The following SPATS2 variants were observed in gnomAD, a reference collection of about 807,000 sequenced individuals.
The protein encoded by SPATS2 is spermatogenesis-associated serine-rich protein 2.
A neutral mutation model predicts 63.7 loss-of-function variants in SPATS2; 38 were observed. The ratio of observed to expected loss-of-function variants is 0.60; its 90% CI spans 0.46 to 0.78. The LOEUF (loss-of-function observed/expected upper bound fraction) is 0.78, where lower values mean the gene tolerates loss of function less well. Ranked by LOEUF, SPATS2 falls within the 30% of genes least tolerant of loss-of-function variation. The probability of loss-of-function intolerance (pLI) is 0.00; values close to 1 mark genes in which losing one functional copy is unlikely to be tolerated. For missense variants in SPATS2, 588 were observed against 666.2 expected, an observed-to-expected ratio of 0.88 and a Z score of 1.29; for synonymous variants, 207 against 232.9, an observed-to-expected ratio of 0.89 and a Z score of 1.01.
chr12:49,448,852 A>G (rs1592407133), intron 2 of SPATS2, among the ~76,000 whole-genome samples: 1 of 152,180 alleles, frequency 6.6e-6, no homozygotes, highest in Non-Finnish European at 1.5e-5. Context: ...TCATTAAAAA[A>G]TTGGGAATTT....
In SPATS2 at chr12:49,524,775, C is replaced by T. The variant is rs992416475; in HGVS notation, c.1205C>T (p.Ser402Phe). The T allele has an allele frequency of 6.2e-7, 1 of 1,614,214 alleles. No individual in the cohort carries two copies. The highest frequency in any genetic ancestry group is 1.3e-5 in the African/African-American group (1 of 75,048). Reference protein sequence around the residue: ...LSSPSDASAASSSTCASPPSL... With the variant: ...LSSPSDASAAFSSTCASPPSL... ...AGCCCAAGTGATGCCTCTGCTGCTTCCTCTTCCACCTGTGCCTCTCCTCCC... is the reference window on the plus strand; with the variant it reads ...AGCCCAAGTGATGCCTCTGCTGCTTTCTCTTCCACCTGTGCCTCTCCTCCC... The change falls in exon 13 of 14, where the codon TCC (serine) becomes TTC (phenylalanine). Residue 402 changes from serine (S) to phenylalanine (F), a missense_variant. Ser to Phe is a radical substitution (Grantham distance 155, BLOSUM62 -2). Coordinates refer to ENST00000552918, the MANE Select transcript of SPATS2 (RefSeq NM_023071.4).
At chr12:49,460,054 G>A (rs2137671565) in intron 2 of SPATS2, among the ~76,000 whole-genome samples, 1 of 151,750 alleles carries the variant, frequency 6.6e-6, no homozygotes, top group East Asian at 1.9e-4. Flanking sequence ...TTTGCAGTGA[G>A]CTGAGATTAC....
intron 8 of SPATS2, 72 bp downstream of exon 8, chr12:49,497,081 T>G: frequency 1.4e-6 from 2 of 1,414,310 alleles, no homozygotes; most frequent in Non-Finnish European, 9.5e-7. Context: ...AAATTATCTC[T>G]GTTGCCATAA....
chr12:49,489,601 A>G (rs1440496882), intron 5 of SPATS2, 28 bp downstream of exon 5: 3 of 1,572,558 alleles, frequency 1.9e-6, no homozygotes, highest in African/African-American at 2.7e-5. Flanking sequence ...TTAAAAATAA[A>G]TTTATATTTG....
intron 10 of SPATS2, 137 bp from the exon 11 acceptor site, chr12:49,518,936 T>G (rs942942386): frequency 1.8e-5 from 10 of 544,358 alleles, no homozygotes; most frequent in African/African-American, 1.8e-4. Flanking sequence ...GACCAGACTT[T>G]TGATATTTTC....
At chr12:49,376,092 A>ATTTTT (rs749954777) in intron 2 of SPATS2, among the ~76,000 whole-genome samples, 2 of 81,068 alleles carry the variant, frequency 2.5e-5, no homozygotes, top group Admixed American at 1.4e-4. Context: ...ACCTGGCCTG[A>ATTTTT]TTTTTTTTTT....
intron 2 of SPATS2, among the ~76,000 whole-genome samples, chr12:49,456,006 C>G (rs1243502341): frequency 6.6e-6 from 1 of 152,210 alleles, no homozygotes; most frequent in African/African-American, 2.4e-5. Context: ...ACAGCAACCT[C>G]AGGCTAGCTG....
chr12:49,428,921 A>G (rs1396809708), intron 2 of SPATS2, among the ~76,000 whole-genome samples: 1 of 152,116 alleles, frequency 6.6e-6, no homozygotes, highest in Non-Finnish European at 1.5e-5. Flanking sequence ...GTATTGTTTA[A>G]ATCCGTTATG....
intron 9 of SPATS2, among the ~76,000 whole-genome samples, chr12:49,500,654 C>T (rs1008701547): frequency 6.6e-6 from 1 of 152,016 alleles, no homozygotes; most frequent in Non-Finnish European, 1.5e-5. Context: ...CGCCTGTAGT[C>T]CTAGCTACTC....
At chr12:49,466,252 C>T (rs1029924930) in intron 3 of SPATS2, among the ~76,000 whole-genome samples, 3 of 152,110 alleles carry the variant, frequency 2.0e-5, no homozygotes, top group African/African-American at 7.2e-5. Flanking sequence ...CAACCTCCGC[C>T]TCCCAGGTTC....
intron 4 of SPATS2, among the ~76,000 whole-genome samples, chr12:49,488,966 G>A (rs1946340931): frequency 2.0e-5 from 3 of 152,046 alleles, no homozygotes; most frequent in African/African-American, 4.8e-5. Context: ...GGCATGCAAT[G>A]GGTGTCATTA....
chr12:49,434,094 T>C (rs1332144446), intron 2 of SPATS2, among the ~76,000 whole-genome samples: 1 of 152,172 alleles, frequency 6.6e-6, no homozygotes, highest in African/African-American at 2.4e-5. Context: ...ACCATATATG[T>C]GAGGATTTAT....
chr12:49,376,481 C>G (rs1857470603), intron 2 of SPATS2, among the ~76,000 whole-genome samples: 1 of 151,830 alleles, frequency 6.6e-6, no homozygotes, highest in South Asian at 2.1e-4. Context: ...ATTGCAGCCT[C>G]CAGATCCTGG....
In SPATS2 at chr12:49,527,009, A is replaced by AC; in HGVS notation, c.*755dup. The AC allele has an allele frequency of 6.6e-6, 1 of 151,946 alleles. No homozygotes were observed. The highest frequency in any genetic ancestry group is 2.4e-5 in the African/African-American group (1 of 41,358). The allele number at this position is 151,946 out of a possible 1,614,324, so 9.4% of individuals were successfully genotyped here. A position where few individuals can be genotyped will look rare whatever the true frequency, so the allele number is the denominator to read the frequency against. ...TTTGGGAGGCTGAGGCGGGTGGATCACTAGGTCAGGAGTTCAAGACCAGCC... is the reference window on the plus strand; with the variant it reads ...TTTGGGAGGCTGAGGCGGGTGGATCACCTAGGTCAGGAGTTCAAGACCAGCC... On this transcript the variant is annotated 3_prime_UTR_variant, in exon 14 of 14. Transcript: ENST00000552918.
intron 2 of SPATS2, 133 bp from the exon 3 acceptor site, chr12:49,460,637 A>T: frequency 5.3e-6 from 1 of 187,116 alleles, no homozygotes; most frequent in Non-Finnish European, 1.1e-5. Context: ...TTCAGCAGCT[A>T]CATTGTTTCT....
intron 11 of SPATS2, 49 bp from the exon 12 acceptor site, chr12:49,522,702 A>G (rs1012054849): frequency 5.5e-6 from 8 of 1,443,300 alleles, no homozygotes; most frequent in Non-Finnish European, 7.7e-6. Flanking sequence ...TATAGATTCC[A>G]TGGATGTTGT....
intron 2 of SPATS2, among the ~76,000 whole-genome samples, chr12:49,392,662 G>A (rs983894843): frequency 6.6e-6 from 1 of 150,872 alleles, no homozygotes; most frequent in African/African-American, 2.4e-5. Flanking sequence ...GCGGTGAGCC[G>A]AGATCTCACC....
chr12:49,467,048 T>G lies in SPATS2; in HGVS notation c.25+6011T>G, dbSNP rs1399717738. 5.8e-5 allele frequency among the ~76,000 whole-genome samples: 6 copies of G among 104,306 alleles called. No homozygotes were observed. In the East Asian group the frequency reaches 1.3e-3, roughly 22 times the overall value. 68.4% of individuals were successfully genotyped at this position (104,306 alleles called of 152,430 possible). ...TTGTTAAATAATTTGTTCTTTGTTT[T>G]TTTTTTTTTTTTTTTTTTTTTTGAT... On this transcript the variant is annotated intron_variant, in intron 3 of 13. Transcript: ENST00000552918.
chr12:49,424,674 TTTTA>T (rs2137439272), intron 2 of SPATS2, among the ~76,000 whole-genome samples: 1 of 152,216 alleles, frequency 6.6e-6, no homozygotes, highest in South Asian at 2.1e-4. Flanking sequence ...CCATAGTATT[TTTTA>T]TTTGTTTTGT....
Sources: allele counts gnomAD v4.1 joint callset (sites outside exome capture counted in the v4.1 genomes callset), GRCh38; gene constraint gnomAD v4.1.1; transcripts MANE v1.5; gene names NCBI Gene and HGNC (gene_info 2026-07-23, HGNC 2026-07-21).